KDM2B: variants seen among roughly 807,000 people sequenced by gnomAD.
KDM2B encodes lysine demethylase 2B, also known as lysine-specific demethylase 2B.
Under a neutral mutation model 150.0 loss-of-function variants are expected in KDM2B, and 26 were observed. The ratio of observed to expected loss-of-function variants is 0.17; its 90% CI spans 0.13 to 0.24. The LOEUF is 0.24. Among genes scored for constraint, KDM2B ranks in the 10% least tolerant of loss-of-function variants. The pLI is 1.00. For missense variants in KDM2B, 1,265 were observed against 1,816.9 expected (o/e 0.70, Z 5.52); for synonymous variants, 734 against 729.5 (o/e 1.01, Z -0.10).
At chr12:121,558,535 C>G (rs147814022) in intron 4 of KDM2B, among the ~76,000 whole-genome samples, 1 of 150,944 alleles carries the variant, frequency 6.6e-6, no homozygotes, top group African/African-American at 2.4e-5. Flanking sequence ...CTCACTGCAG[C>G]CTCCGCCTCT....
At chr12:121,425,725 A>G (rs1028275106), downstream of KDM2B, among the ~76,000 whole-genome samples, 2 of 151,964 alleles carry the variant, frequency 1.3e-5, no homozygotes, top group Admixed American at 6.6e-5. Flanking sequence ...TAGAAGCAGC[A>G]TAAGTTGCCA....
chr12:121,578,179 C>T (rs2136668852), intron 2 of KDM2B, among the ~76,000 whole-genome samples: 1 of 152,352 alleles, frequency 6.6e-6, no homozygotes, highest in Non-Finnish European at 1.5e-5. Flanking sequence ...TAGCGCTAGA[C>T]AGCTCCGGCC....
intron 17 of KDM2B, chr12:121,443,396 C>T (rs182007210): frequency 3.3e-4 from 190 of 577,950 alleles, no homozygotes; most frequent in Middle Eastern, 2.3e-3. Flanking sequence ...AGACTCCTGG[C>T]GCCACCTTGT....
chr12:121,511,329 C>G (rs1038600098), intron 10 of KDM2B, among the ~76,000 whole-genome samples: 1 of 146,850 alleles, frequency 6.8e-6, no homozygotes, highest in Non-Finnish European at 1.5e-5. Flanking sequence ...CTTTGTTGGC[C>G]AGACTGGAGT....
At chr12:121,439,778 CG>C in intron 22 of KDM2B, 78 bp downstream of exon 22, 1 of 1,060,712 alleles carries the variant, frequency 9.4e-7, no homozygotes, top group Non-Finnish European at 1.4e-6. Flanking sequence ...TGTAGACACA[CG>C]AATCGTTTTC....
downstream of KDM2B, among the ~76,000 whole-genome samples, chr12:121,427,425 C>G (rs904797734): frequency 2.0e-5 from 3 of 152,054 alleles, no homozygotes; most frequent in Non-Finnish European, 2.9e-5. Context: ...ACCTGTAGTC[C>G]CAACTACTGG....
rs373718103 is a variant in KDM2B, at chr12:121,494,680, A to G, written c.1648-15T>C. 3.2e-5 allele frequency: 52 copies of G among 1,603,304 alleles called. No individual in the cohort carries two copies. Among genetic ancestry groups the G allele is most frequent in the Non-Finnish European group, 4.3e-5 (51 of 1,173,838 alleles). On this transcript the variant is annotated splice_polypyrimidine_tract_variant and intron_variant, in intron 11 of 22. Transcript: ENST00000377071. ...TTCAGGACGTTCTGTGGCCAAACAAAGCATCCATATTAGCCCAGGGGGAAG... is the reference window on the plus strand; with the variant it reads ...TTCAGGACGTTCTGTGGCCAAACAAGGCATCCATATTAGCCCAGGGGGAAG...
At chr12:121,573,316 T>G (rs1274573968) in intron 4 of KDM2B, among the ~76,000 whole-genome samples, 9 of 150,970 alleles carry the variant, frequency 6.0e-5, no homozygotes, top group African/African-American at 2.2e-4. Context: ...AGAGTCTTAC[T>G]CTGTTACCTA....
At chr12:121,486,114 ATT>A (rs113709418) in intron 12 of KDM2B, among the ~76,000 whole-genome samples, 4 of 126,904 alleles carry the variant, frequency 3.2e-5, no homozygotes, top group Non-Finnish European at 1.7e-5. Flanking sequence ...ATTTTACCAC[ATT>A]TTTTTTTTTT....
intron 17 of KDM2B, 80 bp from the exon 18 acceptor site, chr12:121,443,110 G>T: frequency 3.7e-6 from 5 of 1,366,888 alleles, no homozygotes; most frequent in Non-Finnish European, 5.1e-6. Flanking sequence ...ACCCCACCAC[G>T]AGTCCACAGT....
chr12:121,508,444 A>C (rs943596967), intron 11 of KDM2B, among the ~76,000 whole-genome samples: 2 of 152,334 alleles, frequency 1.3e-5, no homozygotes, highest in African/African-American at 4.8e-5. Flanking sequence ...TTTCCTAAGT[A>C]AATACAATGA....
chr12:121,547,329 G>C (rs1889130391), intron 6 of KDM2B, among the ~76,000 whole-genome samples: 1 of 152,170 alleles, frequency 6.6e-6, no homozygotes, highest in Non-Finnish European at 1.5e-5. Context: ...TGGAGCTTCA[G>C]CTTGAAGGGG....
At chr12:121,531,021 T>A (rs1594063627) in intron 8 of KDM2B, among the ~76,000 whole-genome samples, 2 of 152,076 alleles carry the variant, frequency 1.3e-5, no homozygotes, top group East Asian at 3.9e-4. Flanking sequence ...GCCAAGAGCC[T>A]TCCAGTCATC....
At chr12:121,444,803 C>T (rs782622743) in intron 14 of KDM2B, 1 of 540,092 alleles carries the variant, frequency 1.9e-6, no homozygotes, top group Non-Finnish European at 3.3e-6. Flanking sequence ...GTGCCCTCGG[C>T]CATAAAAGTT....
At chr12:121,478,423 G>C (rs1423044890) in intron 12 of KDM2B, among the ~76,000 whole-genome samples, 3 of 149,188 alleles carry the variant, frequency 2.0e-5, no homozygotes, top group African/African-American at 7.5e-5. Context: ...GCAGTGGCGT[G>C]ATCTCGGCTC....
chr12:121,525,027 A>C (rs1271796834), intron 8 of KDM2B, among the ~76,000 whole-genome samples: 1 of 152,188 alleles, frequency 6.6e-6, no homozygotes, highest in Non-Finnish European at 1.5e-5. Context: ...GAATAAACCT[A>C]GAGGTCTCAG....
At chr12:121,480,156 G>A (rs562809489) in intron 12 of KDM2B, among the ~76,000 whole-genome samples, 3 of 152,232 alleles carry the variant, frequency 2.0e-5, no homozygotes, top group Admixed American at 1.3e-4. Flanking sequence ...CCAGGGAGGC[G>A]GGCAAGGAGG....
At chr12:121,534,193 C>G (rs1308959895) in intron 7 of KDM2B, among the ~76,000 whole-genome samples, 3 of 151,948 alleles carry the variant, frequency 2.0e-5, no homozygotes, top group African/African-American at 7.3e-5. Context: ...ACTAAAAATA[C>G]AAAAAATTAG....
intron 12 of KDM2B, among the ~76,000 whole-genome samples, chr12:121,462,240 G>A (rs1879211585): frequency 6.6e-6 from 1 of 152,112 alleles, no homozygotes; most frequent in African/African-American, 2.4e-5. Flanking sequence ...AGGAAAAGCT[G>A]GATTTTACCA....
Sources: gnomAD v4.1 joint callset for allele counts (sites outside exome capture counted in the v4.1 genomes callset) on GRCh38, gnomAD v4.1.1 for gene constraint, MANE v1.5 for transcripts, NCBI Gene and HGNC (gene_info 2026-07-23, HGNC 2026-07-21) for gene names.